The following CADM2 variants were observed in gnomAD, a reference collection of about 807,000 sequenced individuals.
The protein encoded by CADM2 is cell adhesion molecule 2.
Under a neutral mutation model 49.8 loss-of-function variants are expected in CADM2, and 12 were observed. The observed-to-expected ratio is 0.24, with a 90% confidence interval of 0.15 to 0.39. The LOEUF (loss-of-function observed/expected upper bound fraction) is 0.39, where lower values mean the gene tolerates loss of function less well. CADM2 is among the 10% of genes least tolerant of loss of function. CADM2 has a pLI of 1.00. For missense variants in CADM2, 378 were observed against 492.3 expected, an observed-to-expected ratio of 0.77 and a Z score of 2.20; for synonymous variants, 214 against 175.4, an observed-to-expected ratio of 1.22 and a Z score of -1.74.
chr3:85,884,232 T>C (rs760740673), intron 4 of CADM2, among the ~76,000 whole-genome samples: 1 of 152,172 alleles, frequency 6.6e-6, no homozygotes, highest in Non-Finnish European at 1.5e-5. Context: ...TAGAAGAATT[T>C]AAAGATTGAT....
intron 1 of CADM2, among the ~76,000 whole-genome samples, chr3:85,149,561 CTAAAAATAAAAAA>C (rs1197708610): frequency 1.3e-5 from 2 of 151,870 alleles, no homozygotes; most frequent in South Asian, 2.1e-4. Context: ...CCCGTCTCTA[CTAAAAATAAAAAA>C]TAAAAATAAA....
At chr3:85,587,799 C>T (rs1035759906) in intron 1 of CADM2, among the ~76,000 whole-genome samples, 12 of 152,030 alleles carry the variant, frequency 7.9e-5, no homozygotes, top group Non-Finnish European at 2.9e-5. Flanking sequence ...GGCTGGAGTG[C>T]AGTGGTATGA....
At chr3:85,333,468 T>G (rs1209792547) in intron 1 of CADM2, among the ~76,000 whole-genome samples, 1 of 151,832 alleles carries the variant, frequency 6.6e-6, no homozygotes, top group East Asian at 1.9e-4. Context: ...AATTCACTTC[T>G]GTGCATGCAA....
chr3:85,975,250 T>A (rs184134095), intron 8 of CADM2, among the ~76,000 whole-genome samples: 2 of 151,578 alleles, frequency 1.3e-5, no homozygotes, highest in East Asian at 2.0e-4. Flanking sequence ...GTGGTGAGAA[T>A]AAATTGGCTA....
intron 1 of CADM2, among the ~76,000 whole-genome samples, chr3:85,093,718 G>C (rs759806896): frequency 1.3e-5 from 2 of 151,984 alleles, no homozygotes; most frequent in African/African-American, 4.8e-5. Flanking sequence ...TAAAAATCCT[G>C]CATATCAAAT....
At chr3:85,457,724 G>A (rs1476015435) in intron 1 of CADM2, among the ~76,000 whole-genome samples, 2 of 152,130 alleles carry the variant, frequency 1.3e-5, no homozygotes, top group Admixed American at 6.6e-5. Flanking sequence ...CTTAGAATTT[G>A]TTTGTAATGA....
intron 1 of CADM2, among the ~76,000 whole-genome samples, chr3:85,016,668 C>A (rs2107275880): frequency 6.6e-6 from 1 of 152,136 alleles, no homozygotes; most frequent in Admixed American, 6.5e-5. Flanking sequence ...AGGTGCGCAC[C>A]TGTAATCCCA....
chr3:85,940,439 G>T (rs115332790), intron 7 of CADM2, among the ~76,000 whole-genome samples: 2 of 151,962 alleles, frequency 1.3e-5, no homozygotes, highest in African/African-American at 4.8e-5. Flanking sequence ...ATTATACAGT[G>T]CAATTACCAT....
chr3:85,012,870 A>G (rs941347221), intron 1 of CADM2, among the ~76,000 whole-genome samples: 1 of 151,800 alleles, frequency 6.6e-6, no homozygotes, highest in Non-Finnish European at 1.5e-5. Flanking sequence ...ACAGGACAAA[A>G]AAAGTACCAG....
At chr3:86,016,406 G>A (rs1732238957) in intron 8 of CADM2, among the ~76,000 whole-genome samples, 1 of 152,070 alleles carries the variant, frequency 6.6e-6, no homozygotes, top group Admixed American at 6.6e-5. Context: ...AGAGAAAATT[G>A]TGCAACATAT....
At chr3:85,324,853 G>A (rs764124755) in intron 1 of CADM2, among the ~76,000 whole-genome samples, 12 of 152,208 alleles carry the variant, frequency 7.9e-5, no homozygotes, top group South Asian at 4.2e-4. Context: ...ATCAAATCTC[G>A]CCTTTGAAGT....
chr3:85,566,922 G>A (rs1366868780), intron 1 of CADM2, among the ~76,000 whole-genome samples: 2 of 152,202 alleles, frequency 1.3e-5, no homozygotes, highest in South Asian at 4.1e-4. Context: ...TCTACATGTT[G>A]AACACTGTGA....
At chr3:85,884,082 A>G (rs909029528) in intron 4 of CADM2, among the ~76,000 whole-genome samples, 3 of 152,226 alleles carry the variant, frequency 2.0e-5, no homozygotes, top group Admixed American at 2.0e-4. Context: ...TGAAAGTGAC[A>G]CAAAAAAAGC....
chr3:85,086,785 A>G (rs2037396373), intron 1 of CADM2, among the ~76,000 whole-genome samples: 1 of 152,170 alleles, frequency 6.6e-6, no homozygotes, highest in South Asian at 2.1e-4. Context: ...CTGGGATTAC[A>G]GGTGTGAGCC....
chr3:85,974,041 A>G (rs903691859), intron 8 of CADM2, among the ~76,000 whole-genome samples: 1 of 151,544 alleles, frequency 6.6e-6, no homozygotes, highest in African/African-American at 2.4e-5. Context: ...GTCTAAGACA[A>G]AGTGATATTT....
At chr3:85,958,906 G>C (rs546292662) in intron 7 of CADM2, among the ~76,000 whole-genome samples, 52 of 151,866 alleles carry the variant, frequency 3.4e-4, no homozygotes, top group African/African-American at 1.2e-3. Context: ...TGCAGGGTTG[G>C]GGGTGAGGGG....
intron 1 of CADM2, among the ~76,000 whole-genome samples, chr3:85,690,514 G>A (rs924557758): frequency 4.0e-5 from 6 of 151,874 alleles, no homozygotes; most frequent in African/African-American, 1.5e-4. Flanking sequence ...GTCAAGAGGG[G>A]ACAAGAGAAG....
intron 1 of CADM2, among the ~76,000 whole-genome samples, chr3:85,561,121 C>T (rs997373424): frequency 5.9e-5 from 9 of 152,128 alleles, no homozygotes; most frequent in Non-Finnish European, 1.3e-4. Flanking sequence ...GATAGGTTAT[C>T]CCTTTGCAAT....
intron 1 of CADM2, among the ~76,000 whole-genome samples, chr3:85,107,260 A>AAT (rs1387211614): frequency 1.3e-5 from 2 of 152,192 alleles, no homozygotes; most frequent in Non-Finnish European, 2.9e-5. Context: ...ACGGGAACAG[A>AAT]ATATATATGG....
Sources: allele counts gnomAD v4.1 joint callset (sites outside exome capture counted in the v4.1 genomes callset), GRCh38; gene constraint gnomAD v4.1.1; transcripts MANE v1.5; gene names NCBI Gene and HGNC (gene_info 2026-07-23, HGNC 2026-07-21).